DLGAP2: variants seen among roughly 807,000 people sequenced by gnomAD.
The protein encoded by DLGAP2 is disks large-associated protein 2.
In DLGAP2, 26 loss-of-function variants were observed where a neutral mutation model predicts 100.3. The ratio of observed to expected loss-of-function variants is 0.26; its 90% CI spans 0.19 to 0.36. The LOEUF (loss-of-function observed/expected upper bound fraction) is 0.36, where lower values mean the gene tolerates loss of function less well. Among genes scored for constraint, DLGAP2 ranks in the 10% least tolerant of loss-of-function variants. The pLI, the probability that DLGAP2 is intolerant of heterozygous loss-of-function variation, is 1.00. For synonymous variants in DLGAP2, 886 were observed against 630.1 expected, an observed-to-expected ratio of 1.41 and a Z score of -6.08; for missense variants, 1,858 against 1,453.2, an observed-to-expected ratio of 1.28 and a Z score of -4.53.
chr8:741,917 G>A (rs1463078715), intron 1 of DLGAP2, among the ~76,000 whole-genome samples: 1 of 152,244 alleles, frequency 6.6e-6, no homozygotes, highest in African/African-American at 2.4e-5. Flanking sequence ...TCAGTGCACA[G>A]CCTTGCAGGG....
At chr8:1,465,740 C>T (rs1584931061) in intron 3 of DLGAP2, among the ~76,000 whole-genome samples, 1 of 152,222 alleles carries the variant, frequency 6.6e-6, no homozygotes, top group African/African-American at 2.4e-5. Flanking sequence ...CTCTGTGTTG[C>T]TAGCAGACCA....
chr8:1,478,859 A>G (rs1371806977), intron 3 of DLGAP2, among the ~76,000 whole-genome samples: 1 of 152,244 alleles, frequency 6.6e-6, no homozygotes, highest in African/African-American at 2.4e-5. Flanking sequence ...AGCCAGGTAC[A>G]AAGGAACAAG....
intron 3 of DLGAP2, among the ~76,000 whole-genome samples, chr8:1,263,936 G>T (rs193108804): frequency 1.3e-5 from 2 of 152,088 alleles, no homozygotes; most frequent in African/African-American, 4.8e-5. Context: ...ACTAATATTT[G>T]AAGGAAAACA....
At chr8:1,286,141 G>T (rs1329936755) in intron 3 of DLGAP2, among the ~76,000 whole-genome samples, 1 of 152,160 alleles carries the variant, frequency 6.6e-6, no homozygotes, top group Non-Finnish European at 1.5e-5. Context: ...TGCCATGCTG[G>T]TCTAGTGATA....
intron 2 of DLGAP2, among the ~76,000 whole-genome samples, chr8:1,052,887 A>C (rs79998559): frequency 1.1e-4 from 17 of 152,202 alleles, no homozygotes; most frequent in Admixed American, 8.5e-4. Flanking sequence ...GTAATATTCA[A>C]ACTCATTATT....
At chr8:1,075,084 C>T (rs972322409) in intron 2 of DLGAP2, among the ~76,000 whole-genome samples, 3 of 152,226 alleles carry the variant, frequency 2.0e-5, no homozygotes, top group Non-Finnish European at 4.4e-5. Flanking sequence ...GCCCACTGCA[C>T]ACACCTGCTG....
chr8:1,409,701 G>C (rs983101668), intron 3 of DLGAP2, among the ~76,000 whole-genome samples: 2 of 152,166 alleles, frequency 1.3e-5, no homozygotes, highest in African/African-American at 4.8e-5. Context: ...CCCCACCCCA[G>C]TGCAGGTGGG....
At chr8:1,492,789 C>G (rs1317134082) in intron 3 of DLGAP2, among the ~76,000 whole-genome samples, 3 of 152,224 alleles carry the variant, frequency 2.0e-5, no homozygotes, top group Non-Finnish European at 4.4e-5. Flanking sequence ...GTGTGCTACC[C>G]ATGGGAGGCC....
chr8:1,295,237 C>A (rs1333844407), intron 3 of DLGAP2, among the ~76,000 whole-genome samples: 1 of 152,166 alleles, frequency 6.6e-6, no homozygotes, highest in Non-Finnish European at 1.5e-5. Context: ...AACCTGAAAA[C>A]CCCGAATCCT....
At chr8:1,091,457 A>G (rs1449871419) in intron 2 of DLGAP2, among the ~76,000 whole-genome samples, 1 of 152,234 alleles carries the variant, frequency 6.6e-6, no homozygotes, top group East Asian at 1.9e-4. Context: ...TAATAAAGTT[A>G]CAAAGAGAAA....
intron 2 of DLGAP2, among the ~76,000 whole-genome samples, chr8:1,182,087 G>A (rs1166840581): frequency 6.6e-6 from 1 of 152,232 alleles, no homozygotes; most frequent in Non-Finnish European, 1.5e-5. Flanking sequence ...GTCTTGCTAA[G>A]GAGCTGATCT....
At chr8:742,820 T>G (rs6559170) in intron 1 of DLGAP2, among the ~76,000 whole-genome samples, 225 of 152,140 alleles carry the variant, frequency 1.5e-3, no homozygotes, top group African/African-American at 5.0e-3. Context: ...ATTTGGCTCT[T>G]TATTTGACCT....
intron 8 of DLGAP2, among the ~76,000 whole-genome samples, chr8:1,660,524 A>C (rs1210684197): frequency 6.6e-6 from 1 of 152,210 alleles, no homozygotes. Flanking sequence ...CTCTGTACTC[A>C]CATGTAAAAA....
chr8:1,633,076 C>T (rs369125230), intron 8 of DLGAP2, 30 bp downstream of exon 8: 28 of 1,611,228 alleles, frequency 1.7e-5, no homozygotes, highest in South Asian at 6.6e-5. Context: ...AGCCTTCCAG[C>T]GGGGACTCTA....
intron 1 of DLGAP2, among the ~76,000 whole-genome samples, chr8:786,250 G>A (rs999054020): frequency 6.6e-6 from 1 of 152,034 alleles, no homozygotes; most frequent in Non-Finnish European, 1.5e-5. Flanking sequence ...TGTGTGGGGC[G>A]CCTCCGAAAG....
intron 1 of DLGAP2, among the ~76,000 whole-genome samples, chr8:848,950 C>T (rs568787215): frequency 4.3e-4 from 54 of 126,112 alleles, no homozygotes; most frequent in African/African-American, 9.8e-4. Flanking sequence ...TAGGAACGCG[C>T]GGTGCCTGTT....
At chr8:890,347 C>T (rs571775040) in intron 1 of DLGAP2, among the ~76,000 whole-genome samples, 2 of 152,244 alleles carry the variant, frequency 1.3e-5, no homozygotes, top group East Asian at 1.9e-4. Context: ...TCGTTGCAGG[C>T]GCCTGGATGA....
chr8:1,391,088 G>A (rs914907956), intron 3 of DLGAP2, among the ~76,000 whole-genome samples: 1 of 152,216 alleles, frequency 6.6e-6, no homozygotes, highest in Non-Finnish European at 1.5e-5. Flanking sequence ...TAAGTCAGAA[G>A]AAAGAAGACG....
intron 8 of DLGAP2, among the ~76,000 whole-genome samples, chr8:1,641,560 C>T (rs191389503): frequency 6.6e-6 from 1 of 152,252 alleles, no homozygotes; most frequent in African/African-American, 2.4e-5. Context: ...GTCCAGGGCT[C>T]TTGCAGTTGA....
Sources: gnomAD v4.1 joint callset for allele counts (sites outside exome capture counted in the v4.1 genomes callset) on GRCh38, gnomAD v4.1.1 for gene constraint, MANE v1.5 for transcripts, NCBI Gene and HGNC (gene_info 2026-07-23, HGNC 2026-07-21) for gene names.